The following FAM193A variants were observed in gnomAD, a reference collection of about 807,000 sequenced individuals.
The protein encoded by FAM193A is family with sequence similarity 193 member A.
Under a neutral mutation model 126.5 loss-of-function variants are expected in FAM193A, and 22 were observed. The observed-to-expected ratio is 0.17, with a 90% CI of 0.12 to 0.25. The LOEUF (loss-of-function observed/expected upper bound fraction) is 0.25. FAM193A is among the 10% of genes least tolerant of loss of function. The probability of loss-of-function intolerance (pLI) is 1.00; values close to 1 mark genes in which losing one functional copy is unlikely to be tolerated. For synonymous variants in FAM193A, 761 were observed against 646.8 expected, an observed-to-expected ratio of 1.18 and a Z score of -2.68; for missense variants, 1,675 against 1,672.8, an observed-to-expected ratio of 1.00 and a Z score of -0.02.
At chr4:2,565,560 T>C (rs1738892502) in intron 1 of FAM193A, among the ~76,000 whole-genome samples, 1 of 151,516 alleles carries the variant, frequency 6.6e-6, no homozygotes, top group South Asian at 2.1e-4. Flanking sequence ...TCAGCCAGAG[T>C]AGCCACTTTG....
chr4:2,541,858 T>C (rs929028527), intron 1 of FAM193A, among the ~76,000 whole-genome samples: 56 of 151,764 alleles, frequency 3.7e-4, no homozygotes, highest in African/African-American at 1.3e-3. Context: ...TGAGACAGAG[T>C]CTTGCTCTGT....
rs1280859723 is a variant in FAM193A at position 2,694,928 on chromosome 4, T to G, written c.3093-18T>G. 4 of 1,572,662 alleles carry G rather than the reference T, an allele frequency of 2.5e-6. No individual in the cohort carries two copies. The highest frequency in any genetic ancestry group is 3.9e-5 in the Admixed American group (2 of 51,212). On this transcript the variant is annotated intron_variant, in intron 16 of 20. Coordinates refer to ENST00000637812, the MANE Select transcript of FAM193A (RefSeq NM_001366318.2). The stretch of plus-strand genomic sequence containing the variant: ...CCGGGCCGGCCACTTGCTGATGAGC[T>G]TGTATGCGGTTTTGCAGTGACCCTG...
chr4:2,610,394 T>C lies in FAM193A; in HGVS notation c.501+14065T>C, dbSNP rs146751694. 3.9e-3 allele frequency among the ~76,000 whole-genome samples: 591 copies of C among 152,328 alleles called. 5 individuals are homozygous for C. Among genetic ancestry groups the C allele is most frequent in the African/African-American group, 0.014 (571 of 41,578 alleles). On this transcript the variant is annotated intron_variant, in intron 2 of 20. Transcript: ENST00000637812. Reference sequence around the variant, plus strand: ...GTCCTTACCTTGAATGCTTGCCCTGTTGGGTTTTAGGTCATATTAGAAACG... The same window carrying C: ...GTCCTTACCTTGAATGCTTGCCCTGCTGGGTTTTAGGTCATATTAGAAACG...
chr4:2,652,086 G>T (rs894330432), intron 7 of FAM193A, among the ~76,000 whole-genome samples: 5 of 152,154 alleles, frequency 3.3e-5, no homozygotes, highest in African/African-American at 1.2e-4. Flanking sequence ...CCCTGACTGG[G>T]GCTGGTGGCC....
chr4:2,714,498 T>C (rs1192070395), intron 19 of FAM193A, among the ~76,000 whole-genome samples: 1 of 152,108 alleles, frequency 6.6e-6, no homozygotes, highest in Non-Finnish European at 1.5e-5. Context: ...CCAGCCTTCA[T>C]TCCTAGACCA....
At chr4:2,649,501 T>C (rs746783064) in intron 7 of FAM193A, among the ~76,000 whole-genome samples, 4 of 151,854 alleles carry the variant, frequency 2.6e-5, no homozygotes, top group Non-Finnish European at 5.9e-5. Flanking sequence ...AGATAGACCT[T>C]GTCTCTACAA....
At chr4:2,569,388 G>A (rs1400968959) in intron 1 of FAM193A, among the ~76,000 whole-genome samples, 1 of 152,168 alleles carries the variant, frequency 6.6e-6, no homozygotes, top group Non-Finnish European at 1.5e-5. Context: ...TTATTTAGCA[G>A]TAATACAAAA....
At chr4:2,584,480 A>G (rs1262583935) in intron 1 of FAM193A, among the ~76,000 whole-genome samples, 7 of 151,898 alleles carry the variant, frequency 4.6e-5, no homozygotes, top group African/African-American at 9.7e-5. Flanking sequence ...GTTAAATACT[A>G]TAAAAATGCA....
chr4:2,689,531 A>G lies in FAM193A; in HGVS notation c.2357A>G (p.Asn786Ser). 7 of 1,551,014 alleles carry G rather than the reference A, an allele frequency of 4.5e-6. No individual in the cohort carries two copies. The highest frequency in any genetic ancestry group is 6.0e-6 in the Non-Finnish European group (7 of 1,160,712). ...SKALPPAPVQNHTNKHQVFNA... is the reference protein window; with the variant it reads ...SKALPPAPVQSHTNKHQVFNA... ...GCTTTACCGCCAGCACCTGTTCAGA[A>G]TCACACAAATAAGCATCAGGTATTC... Residue 786 changes from asparagine (N) to serine (S), a missense_variant, in exon 14 of 21, where the codon AAT becomes AGT. Transcript: ENST00000637812.
intron 2 of FAM193A, among the ~76,000 whole-genome samples, chr4:2,600,872 A>G (rs1741157626): frequency 6.6e-6 from 1 of 152,220 alleles, no homozygotes; most frequent in Admixed American, 6.5e-5. Context: ...ACAGCCATGT[A>G]TGTCTCTAGG....
At chr4:2,581,324 G>A (rs541015664) in intron 1 of FAM193A, among the ~76,000 whole-genome samples, 56 of 149,644 alleles carry the variant, frequency 3.7e-4, no homozygotes, top group Admixed American at 8.6e-4. Flanking sequence ...CACAATCTTG[G>A]CTCACTGCAA....
intron 1 of FAM193A, among the ~76,000 whole-genome samples, chr4:2,539,920 A>G (rs985180376): frequency 2.0e-5 from 3 of 151,490 alleles, no homozygotes; most frequent in Non-Finnish European, 4.4e-5. Context: ...TTGACAGATG[A>G]TGAAACCCCA....
In FAM193A at chr4:2,731,196, CAAAAAAAAAAAA is replaced by C. The variant is rs546217602; in HGVS notation, c.4455-562_4455-551del. On this transcript the variant is annotated intron_variant, in intron 20 of 20. Coordinates refer to ENST00000637812, the MANE Select transcript of FAM193A (RefSeq NM_001366318.2). ...GGATGACAAGAGCGAAACTCCTTCT[CAAAAAAAAAAAA>C]AAAAAAAAAAAAAAAACCGGTGTGG... Among the ~76,000 whole-genome samples the C allele has an allele frequency of 5.1e-3, 445 of 86,862 alleles. 4 individuals are homozygous for C. Among genetic ancestry groups the C allele is most frequent in the Middle Eastern group, 0.021 (3 of 144 alleles). 57.0% of individuals were successfully genotyped at this position (86,862 alleles called of 152,430 possible).
intron 7 of FAM193A, among the ~76,000 whole-genome samples, chr4:2,655,447 CTGTGTG>C (rs374208792): frequency 2.7e-5 from 4 of 148,858 alleles, no homozygotes; most frequent in African/African-American, 9.8e-5. Flanking sequence ...GCGTGTGCGC[CTGTGTG>C]TGTGTGTGTG....
At chr4:2,584,446 C>T (rs1238689692) in intron 1 of FAM193A, among the ~76,000 whole-genome samples, 1 of 150,564 alleles carries the variant, frequency 6.6e-6, no homozygotes, top group Admixed American at 6.6e-5. Context: ...AAAAAACACC[C>T]ATCTCTAAAG....
intron 18 of FAM193A, among the ~76,000 whole-genome samples, chr4:2,699,395 G>A (rs1174349759): frequency 4.8e-5 from 7 of 146,406 alleles, no homozygotes; most frequent in African/African-American, 1.8e-4. Context: ...ACTGTGTTTA[G>A]TACCAGGTCA....
intron 1 of FAM193A, among the ~76,000 whole-genome samples, chr4:2,543,182 G>C (rs1473683876): frequency 6.6e-6 from 1 of 151,804 alleles, no homozygotes; most frequent in African/African-American, 2.4e-5. Flanking sequence ...CCGCCTCCCG[G>C]GTTCAAGTGA....
chr4:2,630,010 T>C (rs1350866467), intron 4 of FAM193A, among the ~76,000 whole-genome samples: 1 of 151,830 alleles, frequency 6.6e-6, no homozygotes, highest in African/African-American at 2.4e-5. Flanking sequence ...CGGGCACCTG[T>C]AGTCCCAGCT....
intron 5 of FAM193A, 57 bp downstream of exon 5, chr4:2,631,226 G>T: frequency 1.3e-6 from 2 of 1,502,938 alleles, no homozygotes; most frequent in Non-Finnish European, 1.8e-6. Flanking sequence ...GAAGCATGTG[G>T]CAAGAGGAAG....
Sources: gnomAD v4.1 joint callset for allele counts (sites outside exome capture counted in the v4.1 genomes callset) on GRCh38, gnomAD v4.1.1 for gene constraint, MANE v1.5 for transcripts, NCBI Gene and HGNC (gene_info 2026-07-23, HGNC 2026-07-21) for gene names.